Variants in IMMP2L observed in about 807,000 individuals in gnomAD.
IMMP2L encodes mitochondrial inner membrane protease subunit 2.
IMMP2L carries 18 observed loss-of-function variants against 19.3 expected under a neutral mutation model. That is an observed-to-expected ratio of 0.93 (90% CI 0.64 to 1.38). The LOEUF (loss-of-function observed/expected upper bound fraction) is 1.38. Among genes scored for constraint, IMMP2L ranks in the 40% most tolerant of loss-of-function variants. The pLI is 0.00. For missense variants in IMMP2L, 233 were observed against 218.2 expected, an observed-to-expected ratio of 1.07 and a Z score of -0.43; for synonymous variants, 76 against 73.0, an observed-to-expected ratio of 1.04 and a Z score of -0.21.
intron 5 of IMMP2L, among the ~76,000 whole-genome samples, chr7:110,874,431 T>C (rs1290894781): frequency 2.6e-5 from 4 of 152,076 alleles, no homozygotes; most frequent in Non-Finnish European, 5.9e-5. Flanking sequence ...TTGTGAATAA[T>C]GAACTTCAAA....
chr7:111,068,265 A>G (rs1322483568), intron 3 of IMMP2L, among the ~76,000 whole-genome samples: 1 of 152,174 alleles, frequency 6.6e-6, no homozygotes, highest in African/African-American at 2.4e-5. Context: ...TAATTTTGCA[A>G]AAATATTTGT....
In IMMP2L at chr7:110,817,274, C is replaced by G. The variant is rs555771406; in HGVS notation, c.408+69319G>C. 2.6e-5 allele frequency among the ~76,000 whole-genome samples: 4 copies of G among 152,174 alleles called. No homozygotes were observed. The South Asian group carries it at 6.2e-4, about 24-fold the overall frequency. ...GCAACTTCAGCAAAGTCTCAGGATA[C>G]AAAATCAATGTACCAAAATCACGAG... On this transcript the variant is annotated intron_variant, in intron 5 of 5. Transcript: ENST00000405709.
intron 3 of IMMP2L, among the ~76,000 whole-genome samples, chr7:111,250,740 T>C (rs972501465): frequency 6.6e-6 from 1 of 152,062 alleles, no homozygotes; most frequent in South Asian, 2.1e-4. Flanking sequence ...TTATACCTTA[T>C]ACAAAAGGTA....
At chr7:111,070,868 T>A (rs1794894936) in intron 3 of IMMP2L, among the ~76,000 whole-genome samples, 1 of 152,204 alleles carries the variant, frequency 6.6e-6, no homozygotes, top group Admixed American at 6.5e-5. Context: ...CTATTTGATA[T>A]TTTCCTTGGT....
At chr7:111,048,390 T>C (rs1792660843) in intron 3 of IMMP2L, among the ~76,000 whole-genome samples, 1 of 152,168 alleles carries the variant, frequency 6.6e-6, no homozygotes, top group South Asian at 2.1e-4. Flanking sequence ...AGTGAGCATC[T>C]GGGCCTGCTT....
At chr7:111,365,987 G>A (rs1276432853) in intron 3 of IMMP2L, among the ~76,000 whole-genome samples, 3 of 152,094 alleles carry the variant, frequency 2.0e-5, no homozygotes, top group Non-Finnish European at 4.4e-5. Context: ...AGACTGACTA[G>A]TAAATGAAGA....
At chr7:111,067,043 G>T (rs1302115485) in intron 3 of IMMP2L, among the ~76,000 whole-genome samples, 1 of 152,158 alleles carries the variant, frequency 6.6e-6, no homozygotes, top group Non-Finnish European at 1.5e-5. Context: ...AATGTGTCCT[G>T]ATTCCACAGG....
At chr7:111,516,552 A>C (rs1403319426) in intron 2 of IMMP2L, among the ~76,000 whole-genome samples, 1 of 152,140 alleles carries the variant, frequency 6.6e-6, no homozygotes. Flanking sequence ...TGGTATTTAA[A>C]TAACAGATAT....
chr7:110,892,499 C>T (rs1396309024), intron 4 of IMMP2L, among the ~76,000 whole-genome samples: 2 of 152,094 alleles, frequency 1.3e-5, no homozygotes, highest in Admixed American at 6.6e-5. Flanking sequence ...TGTATGCCTT[C>T]GCTCCTATTA....
In IMMP2L at chr7:110,859,480, C is replaced by T. The variant is rs140437331; in HGVS notation, c.408+27113G>A. On this transcript the variant is annotated intron_variant, in intron 5 of 5. Coordinates refer to ENST00000405709, the MANE Select transcript of IMMP2L (RefSeq NM_032549.4). ...AGTATGGGCTGTGTGTGGTGGCTCACGACTGTAATCCCAGATTTTTGGGAG... is the reference window on the plus strand; with the variant it reads ...AGTATGGGCTGTGTGTGGTGGCTCATGACTGTAATCCCAGATTTTTGGGAG... Among the ~76,000 whole-genome samples, 291 of 151,694 alleles carry T rather than the reference C, an allele frequency of 1.9e-3. 2 individuals are homozygous for T. The highest frequency in any genetic ancestry group is 6.5e-3 in the African/African-American group (270 of 41,356).
chr7:110,970,268 T>C (rs556126916), intron 3 of IMMP2L, among the ~76,000 whole-genome samples: 12 of 152,260 alleles, frequency 7.9e-5, no homozygotes, highest in African/African-American at 2.6e-4. Flanking sequence ...AATAAATTAA[T>C]TTCCAACAGT....
intron 3 of IMMP2L, among the ~76,000 whole-genome samples, chr7:111,045,085 A>G (rs995803958): frequency 1.3e-5 from 2 of 152,236 alleles, no homozygotes; most frequent in Non-Finnish European, 2.9e-5. Context: ...AAACTGCTAA[A>G]AGCACTCACA....
rs10254522 is a variant in IMMP2L, at chr7:110,937,151, T to G, written c.305+26349A>C. On this transcript the variant is annotated intron_variant, in intron 4 of 5. Transcript: ENST00000405709. Reference sequence around the variant, plus strand: ...AACCACCATGGCACGTGTACATCTATGTAACAAACCTGCATGTTCTGCACA... The same window carrying G: ...AACCACCATGGCACGTGTACATCTAGGTAACAAACCTGCATGTTCTGCACA... Among the ~76,000 whole-genome samples, 1,477 of 152,200 alleles carry G rather than the reference T, an allele frequency of 9.7e-3. 21 individuals carry two copies. The highest frequency in any genetic ancestry group is 0.033 in the African/African-American group (1,364 of 41,500).
At chr7:110,848,016 TACA>T (rs1335283311) in intron 5 of IMMP2L, among the ~76,000 whole-genome samples, 4 of 152,116 alleles carry the variant, frequency 2.6e-5, no homozygotes, top group African/African-American at 4.8e-5. Context: ...ATCTTTTAGA[TACA>T]ACATCAAAGG....
chr7:110,981,619 C>G (rs1327425326), intron 3 of IMMP2L, among the ~76,000 whole-genome samples: 3 of 151,638 alleles, frequency 2.0e-5, no homozygotes, highest in Non-Finnish European at 2.9e-5. Context: ...TGAAGTGACT[C>G]CTTTTTAAGA....
chr7:111,211,240 T>C (rs1811277545), intron 3 of IMMP2L, among the ~76,000 whole-genome samples: 1 of 152,140 alleles, frequency 6.6e-6, no homozygotes, highest in Non-Finnish European at 1.5e-5. Context: ...AAACATAAAT[T>C]GGATTTTCAC....
At chr7:110,895,287 G>C (rs1216154207) in intron 4 of IMMP2L, among the ~76,000 whole-genome samples, 1 of 152,118 alleles carries the variant, frequency 6.6e-6, no homozygotes, top group South Asian at 2.1e-4. Context: ...TGACATGTGG[G>C]AATTGTGGGA....
intron 3 of IMMP2L, among the ~76,000 whole-genome samples, chr7:111,174,561 C>T (rs960072383): frequency 2.0e-5 from 3 of 151,606 alleles, no homozygotes; most frequent in Non-Finnish European, 3.0e-5. Context: ...ATCTTCTGGC[C>T]CTTGTTTGCT....
At chr7:110,964,174 T>G (rs1382297546) in intron 3 of IMMP2L, among the ~76,000 whole-genome samples, 1 of 152,080 alleles carries the variant, frequency 6.6e-6, no homozygotes, top group Non-Finnish European at 1.5e-5. Flanking sequence ...CTGAGTCAAT[T>G]AAACCTCTTT....
Sources: gnomAD v4.1 joint callset for allele counts (sites outside exome capture counted in the v4.1 genomes callset) on GRCh38, gnomAD v4.1.1 for gene constraint, MANE v1.5 for transcripts, NCBI Gene and HGNC (gene_info 2026-07-23, HGNC 2026-07-21) for gene names.